The following SLC30A9 variants were observed in gnomAD, a reference collection of about 807,000 sequenced individuals.
SLC30A9 encodes the protein proton-coupled zinc antiporter SLC30A9, mitochondrial.
A neutral mutation model predicts 87.5 loss-of-function variants in SLC30A9; 58 were observed. That is an observed-to-expected ratio of 0.66 (90% confidence interval 0.54 to 0.82). The LOEUF is 0.82. Ranked by LOEUF, SLC30A9 falls within the 40% of genes least tolerant of loss-of-function variation. The pLI is 0.00. For missense variants in SLC30A9, 557 were observed against 679.1 expected (o/e 0.82, Z 2.00); for synonymous variants, 234 against 233.0 (o/e 1.00, Z -0.04).
intron 6 of SLC30A9, among the ~76,000 whole-genome samples, chr4:42,024,402 T>C (rs1716100715): frequency 6.6e-6 from 1 of 152,248 alleles, no homozygotes; most frequent in Admixed American, 6.5e-5. Context: ...CCGTTTTCCA[T>C]ATCTACATAT....
At chr4:42,055,376 G>C (rs1372177062) in intron 9 of SLC30A9, among the ~76,000 whole-genome samples, 2 of 80,550 alleles carry the variant, frequency 2.5e-5, no homozygotes, top group African/African-American at 5.3e-5. Flanking sequence ...TTATAATGTA[G>C]TTTTTTATTT....
intron 6 of SLC30A9, among the ~76,000 whole-genome samples, chr4:42,033,788 G>C (rs1016893284): frequency 1.3e-5 from 2 of 152,132 alleles, no homozygotes; most frequent in Non-Finnish European, 1.5e-5. Flanking sequence ...TGTTAGCCAG[G>C]ATGGTCTCGA....
intron 3 of SLC30A9, among the ~76,000 whole-genome samples, chr4:42,019,011 A>T (rs79490960): frequency 1.8e-4 from 5 of 27,142 alleles, no homozygotes; most frequent in South Asian, 8.6e-3. Context: ...ATTTCCTTAT[A>T]TTTTTTTTCA....
chr4:41,990,727 A>G lies in SLC30A9; in HGVS notation c.76A>G (p.Arg26Gly), dbSNP rs773687388. The G allele has an allele frequency of 6.2e-7, 1 of 1,611,550 alleles. No individual in the cohort carries two copies. Among genetic ancestry groups the G allele is most frequent in the Non-Finnish European group, 8.5e-7 (1 of 1,179,248 alleles). ...SSLCRLRLRC[R>G]AAACNPSDRQ... Reference sequence around the variant, plus strand: ...CCTGTGCCGGCTCCGTCTGCGATGCAGGGCGGCGGCCTGTAATCCCAGCGA... The same window carrying G: ...CCTGTGCCGGCTCCGTCTGCGATGCGGGGCGGCGGCCTGTAATCCCAGCGA... Residue 26 changes from arginine (R) to glycine (G), a missense_variant, in exon 1 of 18, where the codon AGG becomes GGG. Transcript: ENST00000264451.
chr4:42,065,520 T>G (rs1718046418), intron 12 of SLC30A9, among the ~76,000 whole-genome samples, 171 bp downstream of exon 12: 1 of 152,224 alleles, frequency 6.6e-6, no homozygotes, highest in Non-Finnish European at 1.5e-5. Context: ...GTACTGTGGT[T>G]GTTCTGTAAT....
At chr4:42,048,523 A>G (rs1717261044) in intron 8 of SLC30A9, among the ~76,000 whole-genome samples, 1 of 36,026 alleles carries the variant, frequency 2.8e-5, no homozygotes, top group Non-Finnish European at 2.3e-4. Flanking sequence ...ACTCACTAGC[A>G]TAACGTCTGA....
chr4:42,038,964 A>G (rs201200051), intron 7 of SLC30A9, 22 bp from the exon 8 acceptor site: 10 of 1,609,026 alleles, frequency 6.2e-6, no homozygotes, highest in Non-Finnish European at 7.7e-6. Context: ...AGGTATTAAA[A>G]AAAGTTTTTG....
intron 14 of SLC30A9, among the ~76,000 whole-genome samples, chr4:42,068,204 T>G (rs952188112): frequency 6.6e-6 from 1 of 152,014 alleles, no homozygotes; most frequent in Non-Finnish European, 1.5e-5. Context: ...AGAAGTTGAG[T>G]GATGTTTTTG....
intron 14 of SLC30A9, among the ~76,000 whole-genome samples, chr4:42,068,793 G>A (rs1283713219): frequency 6.6e-6 from 1 of 152,016 alleles, no homozygotes; most frequent in African/African-American, 2.4e-5. Context: ...TGTTTTGAGG[G>A]CCAATAAAAT....
chr4:42,002,913 A>G (rs1027156693), intron 2 of SLC30A9, among the ~76,000 whole-genome samples: 1 of 152,144 alleles, frequency 6.6e-6, no homozygotes, highest in African/African-American at 2.4e-5. Context: ...TCTCACTAGC[A>G]TCTCTTGTTT....
intron 3 of SLC30A9, 89 bp downstream of exon 3, chr4:42,018,259 A>G: frequency 1.3e-6 from 1 of 797,838 alleles, no homozygotes; most frequent in Non-Finnish European, 2.0e-6. Flanking sequence ...TTATAGTTAT[A>G]TTATTCTAAG....
chr4:42,044,402 A>AAAAAAAAAAAAAAAAAAAC (rs1717055510), intron 8 of SLC30A9, among the ~76,000 whole-genome samples: 1 of 151,582 alleles, frequency 6.6e-6, no homozygotes, highest in African/African-American at 2.4e-5. Flanking sequence ...AAAAAAAAAA[A>AAAAAAAAAAAAAAAAAAAC]AAGCAGGGTT....
Position 42,039,756 on chromosome 4 carries a change from C to T in SLC30A9, c.737+703C>T, listed in dbSNP as rs572106657. On this transcript the variant is annotated intron_variant, in intron 8 of 17. Transcript: ENST00000264451. ...GATTACAGGTGTGAGCCACTGAGCCCGGCCTTGCCTTCCCCTTTTTCCCTC... is the reference window on the plus strand; with the variant it reads ...GATTACAGGTGTGAGCCACTGAGCCTGGCCTTGCCTTCCCCTTTTTCCCTC... Among the ~76,000 whole-genome samples the T allele has an allele frequency of 1.1e-4, 17 of 152,190 alleles. No homozygotes were observed. In the East Asian group the frequency reaches 2.9e-3, roughly 26 times the overall value.
At chr4:42,083,742 C>A (rs1209039510) in intron 17 of SLC30A9, among the ~76,000 whole-genome samples, 1 of 151,928 alleles carries the variant, frequency 6.6e-6, no homozygotes, top group Non-Finnish European at 1.5e-5. Flanking sequence ...TAGGAAGATA[C>A]AATTTAGTTT....
chr4:42,052,135 G>A (rs1012802787), intron 9 of SLC30A9, among the ~76,000 whole-genome samples: 5 of 151,892 alleles, frequency 3.3e-5, no homozygotes, highest in African/African-American at 7.3e-5. Flanking sequence ...CAAATAAATG[G>A]GGAAGGAAAT....
chr4:41,999,009 C>A (rs1341452404), intron 1 of SLC30A9, among the ~76,000 whole-genome samples: 2 of 152,052 alleles, frequency 1.3e-5, no homozygotes, highest in African/African-American at 4.8e-5. Flanking sequence ...AAAAAGCTAT[C>A]AAAGATTATG....
At chr4:42,074,542 CA>C (rs1354377691) in intron 15 of SLC30A9, among the ~76,000 whole-genome samples, 3 of 152,180 alleles carry the variant, frequency 2.0e-5, no homozygotes, top group African/African-American at 7.2e-5. Flanking sequence ...GTCTGGGAGG[CA>C]AAAGGGTATG....
chr4:42,077,625 A>T (rs1005182021), intron 16 of SLC30A9, among the ~76,000 whole-genome samples: 1 of 152,076 alleles, frequency 6.6e-6, no homozygotes, highest in Non-Finnish European at 1.5e-5. Flanking sequence ...GCTGGTCTTG[A>T]ACTCCTGGAA....
chr4:42,007,514 G>T (rs1211656584), intron 2 of SLC30A9, among the ~76,000 whole-genome samples: 1 of 152,130 alleles, frequency 6.6e-6, no homozygotes, highest in Admixed American at 6.5e-5. Context: ...CACTTTGGGA[G>T]GCCGAGGCAG....
Sources: gnomAD v4.1 joint callset for allele counts (sites outside exome capture counted in the v4.1 genomes callset) on GRCh38, gnomAD v4.1.1 for gene constraint, MANE v1.5 for transcripts, NCBI Gene and HGNC (gene_info 2026-07-23, HGNC 2026-07-21) for gene names.